The following CCHCR1 variants were observed in gnomAD, a reference collection of about 807,000 sequenced individuals.
CCHCR1 encodes coiled-coil alpha-helical rod protein 1.
In CCHCR1, 91 loss-of-function variants were observed where a neutral mutation model predicts 114.6. The ratio of observed to expected loss-of-function variants is 0.79; its 90% CI spans 0.67 to 0.94. CCHCR1 has a LOEUF of 0.94. Ranked by LOEUF, CCHCR1 falls within the 40% of genes least tolerant of loss-of-function variation. CCHCR1 has a pLI of 0.00. For synonymous variants in CCHCR1, 379 were observed against 428.5 expected (o/e 0.88, Z 1.43); for missense variants, 899 against 1,079.9 (o/e 0.83, Z 2.35).
At chr6:31,145,611 G>T in intron 11 of CCHCR1, 85 bp downstream of exon 11, 1 of 1,420,764 alleles carries the variant, frequency 7.0e-7, no homozygotes, top group Non-Finnish European at 1.0e-6. Flanking sequence ...GAATGGATGT[G>T]GGATCAGAGA....
At position 31,151,127 on chromosome 6, in the gene CCHCR1, G is replaced by C. The variant is rs781150976; in HGVS notation, c.802-5C>G. 1 of 1,610,524 alleles carries C rather than the reference G, an allele frequency of 6.2e-7. No individual in the cohort carries two copies. Among genetic ancestry groups the C allele is most frequent in the South Asian group, 1.1e-5 (1 of 90,784 alleles). ...AGCCTGTGTCAAAGAGGACAGCTGC[G>C]GAAAGAAGAGGGGGCTCAGCAGAGG... On this transcript the variant is annotated splice_polypyrimidine_tract_variant and splice_region_variant and intron_variant, in intron 4 of 17. Transcript: ENST00000396268. This position sits in a 1 kb window ranked among gnomAD's most constrained non-coding sequence, Gnocchi z 4.1.
In CCHCR1 at chr6:31,154,040, A is replaced by C. The variant is rs937381059; in HGVS notation, c.801+456T>G. Among the ~76,000 whole-genome samples, 2 of 152,224 alleles carry C rather than the reference A, an allele frequency of 1.3e-5. No individual in the cohort carries two copies. Among genetic ancestry groups the C allele is most frequent in the Non-Finnish European group, 2.9e-5 (2 of 68,044 alleles). ...TGTGTATATCCCCCACGAGGCTGTC[A>C]GTTCCATCCACGAAGGCAGGACTCA... On this transcript the variant is annotated intron_variant, in intron 4 of 17. Transcript: ENST00000396268. This position sits in a 1 kb window ranked among gnomAD's most constrained non-coding sequence, Gnocchi z 4.1.
In CCHCR1 at chr6:31,144,809, G is replaced by A. The variant is rs772821439; in HGVS notation, c.2066-21C>T. The A allele has an allele frequency of 6.2e-7, 1 of 1,611,318 alleles. No individual in the cohort carries two copies. Among genetic ancestry groups the A allele is most frequent in the South Asian group, 1.1e-5 (1 of 91,006 alleles). The stretch of plus-strand genomic sequence containing the variant: ...CAGGGCTGGGGTGAAAGTGCAGACG[G>A]GGCATATCAGCAGGAGCTTTGATTC... On this transcript the variant is annotated intron_variant, in intron 14 of 17. Transcript: ENST00000396268. The surrounding 1 kb of genome is among the most constrained non-coding windows in gnomAD (Gnocchi z 4.6).
At chr6:31,146,882 T>C (rs1032503980) in intron 10 of CCHCR1, among the ~76,000 whole-genome samples, 1 of 152,066 alleles carries the variant, frequency 6.6e-6, no homozygotes, top group African/African-American at 2.4e-5. Context: ...TGAACCTGGG[T>C]GGTAGGTCAT....
Position 31,156,740 on chromosome 6 carries a change from C to G in CCHCR1, c.488G>C (p.Arg163Pro), listed in dbSNP as rs780394259. The G allele has an allele frequency of 6.2e-7, 1 of 1,611,910 alleles. No homozygotes were observed. Among genetic ancestry groups the G allele is most frequent in the East Asian group, 2.2e-5 (1 of 44,886 alleles). Residue 163 changes from arginine to proline, a missense_variant, in exon 3 of 18, where the codon CGG becomes CCG. By Grantham distance (103) the Arg-to-Pro change is moderately radical. Coordinates refer to ENST00000396268, the MANE Select transcript of CCHCR1 (RefSeq NM_001105564.2). ...DVSSDRQEPG[R>P]RGRSWGLEGS... is the part of the protein sequence containing the mutation. ...GTGGATGGATCCCTACCTGCCTCTC[C>G]GCCCTGGCTCCTGCCTGTCACTGGA...
Position 31,154,487 on chromosome 6 carries a change from T to G in CCHCR1, c.801+9A>C, listed in dbSNP as rs1775701527. The G allele has an allele frequency of 6.2e-7, 1 of 1,600,388 alleles. No homozygotes were observed. The highest frequency in any genetic ancestry group is 1.3e-5 in the African/African-American group (1 of 74,678). ...TATGAATTTGAATCCTTTCTACCCCTGCATTCACCTGCTCTTGGTGCAGCC... is the reference window on the plus strand; with the variant it reads ...TATGAATTTGAATCCTTTCTACCCCGGCATTCACCTGCTCTTGGTGCAGCC... On this transcript the variant is annotated intron_variant, in intron 4 of 17. Transcript: ENST00000396268. This position sits in a 1 kb window ranked among gnomAD's most constrained non-coding sequence, Gnocchi z 4.1.
intron 12 of CCHCR1, 63 bp from the exon 13 acceptor site, chr6:31,145,365 T>C: frequency 1.2e-6 from 2 of 1,611,676 alleles, no homozygotes; most frequent in Non-Finnish European, 8.5e-7. Flanking sequence ...AAAGCCCCCA[T>C]CCCACCTCAG....
chr6:31,153,351 A>G (rs1775523639), intron 4 of CCHCR1, among the ~76,000 whole-genome samples: 1 of 151,920 alleles, frequency 6.6e-6, no homozygotes, highest in East Asian at 1.9e-4. Context: ...TTCCCTTACC[A>G]ATTTCTAGGC....
At chr6:31,152,113 G>A (rs1400645338) in intron 4 of CCHCR1, among the ~76,000 whole-genome samples, 2 of 151,876 alleles carry the variant, frequency 1.3e-5, no homozygotes, top group African/African-American at 2.4e-5. Context: ...TGGCTAACAT[G>A]GTGAAACCCC....
chr6:31,153,736 C>T (rs3130450), intron 4 of CCHCR1, among the ~76,000 whole-genome samples: 113,628 of 152,102 alleles, frequency 0.75, 42,478 homozygotes, highest in Middle Eastern at 0.85. Flanking sequence ...CGCACCACCA[C>T]GCCTGGTGAA....
chr6:31,145,662 G>T, intron 11 of CCHCR1, 34 bp downstream of exon 11: 1 of 1,529,580 alleles, frequency 6.5e-7, no homozygotes, highest in Non-Finnish European at 9.1e-7. Context: ...TGGTGGGGTG[G>T]GGGCAGGACG....
At position 31,145,476 on chromosome 6, in the gene CCHCR1, G is replaced by C; in HGVS notation, c.1711C>G (p.Leu571Val). The change falls in exon 12 of 18, where the codon CTT becomes GTT. Residue 571 changes from leucine (L) to valine (V), a missense_variant. Coordinates refer to ENST00000396268, the MANE Select transcript of CCHCR1 (RefSeq NM_001105564.2). The part of the protein sequence containing the change: ...HTIRGLIARK[L>V]ALAQLRQESC... ...TCCTGGCGCAGCTGAGCAAGGGCAA[G>C]CTTTCGAGCAATCAGGCCTGGAGGG... 1 of 1,614,198 alleles carries C rather than the reference G, an allele frequency of 6.2e-7. No homozygotes were observed. Among genetic ancestry groups the C allele is most frequent in the Non-Finnish European group, 8.5e-7 (1 of 1,180,038 alleles).
chr6:31,150,525 T>A lies in CCHCR1; in HGVS notation c.1142A>T (p.Glu381Val). 6.2e-7 allele frequency: 1 copy of A among 1,612,590 alleles called. No individual in the cohort carries two copies. Among genetic ancestry groups the A allele is most frequent in the Non-Finnish European group, 8.5e-7 (1 of 1,179,930 alleles). ...EDRDSLHATA[E>V]LLQVRVQSLT... ...GCTCTGCACCCGCACCTGCAGCAGC[T>A]CCGCGGTGGCATGCAGGCTGTCCCG... The change falls in exon 7 of 18, where the codon GAG becomes GTG. Residue 381 changes from glutamate (E) to valine (V), a missense_variant. Glu to Val is a moderately radical substitution (Grantham distance 121). Coordinates refer to ENST00000396268, the MANE Select transcript of CCHCR1 (RefSeq NM_001105564.2). This position sits in a 1 kb window ranked among gnomAD's most constrained non-coding sequence, Gnocchi z 5.3.
rs1196349575 is a variant in CCHCR1, at chr6:31,143,099, G to T, written c.2355C>A (p.Tyr785Ter). Residue 785 changes from tyrosine to a stop codon, truncating the protein, a stop_gained, in exon 17 of 18, where the codon TAC becomes TAA. Coordinates refer to ENST00000396268, the MANE Select transcript of CCHCR1 (RefSeq NM_001105564.2). LOFTEE classifies it high-confidence loss of function. This position sits in a 1 kb window ranked among gnomAD's most constrained non-coding sequence, Gnocchi z 5.3. Reference sequence around the variant, plus strand: ...GAACTGTCAACAGTCGCTGCTGCTTGTAACGGGAGAGGAGACCTTCCTGCT... The same window carrying T: ...GAACTGTCAACAGTCGCTGCTGCTTTTAACGGGAGAGGAGACCTTCCTGCT... Reference protein sequence around the residue: ...TLQQEGLLSRYKQQRLLTVLP... With the variant: ...TLQQEGLLSR 5.6e-6 allele frequency: 9 copies of T among 1,612,882 alleles called. No homozygotes were observed. Among genetic ancestry groups the T allele is most frequent in the Non-Finnish European group, 7.6e-6 (9 of 1,180,020 alleles).
chr6:31,150,860 G>A lies in CCHCR1; in HGVS notation c.966C>T (p.Ser322=), dbSNP rs1775117201. Residue 322 remains serine, a splice_region_variant and synonymous_variant, in exon 6 of 18, where the codon AGC becomes AGT. Transcript: ENST00000396268. This position sits in a 1 kb window ranked among gnomAD's most constrained non-coding sequence, Gnocchi z 5.3. ...GAGCCTCCAAGTCTTCCTGGGTCTT[G>A]CTAGGGTTGGGGTGGGAATGGGACA... ...REAELLRKQL[S]KTQEDLEAQV... is the part of the protein sequence containing the mutation. 2 of 1,612,466 alleles carry A rather than the reference G, an allele frequency of 1.2e-6. No homozygotes were observed. The highest frequency in any genetic ancestry group is 1.7e-6 in the Non-Finnish European group (2 of 1,179,712).
upstream of CCHCR1, chr6:31,157,878 A>G: frequency 2.0e-6 from 1 of 512,772 alleles, no homozygotes; most frequent in East Asian, 3.2e-5. Flanking sequence ...TTTACAACCT[A>G]ATCTACCTTT....
In CCHCR1 at chr6:31,145,734, C is replaced by T. The variant is rs767899213; in HGVS notation, c.1655G>A (p.Arg552Gln). ...AAAQLPSLNNRLSYAVRKVHT... is the reference protein window; with the variant it reads ...AAAQLPSLNNQLSYAVRKVHT... Reference sequence around the variant, plus strand: ...GACCTTGCGGACAGCATAGCTGAGTCGGTTGTTGAGGCTGGGAAGCTGGGC... The same window carrying T: ...GACCTTGCGGACAGCATAGCTGAGTTGGTTGTTGAGGCTGGGAAGCTGGGC... The change falls in exon 11 of 18, where the codon CGA becomes CAA. Residue 552 changes from arginine to glutamine, a missense_variant. Transcript: ENST00000396268. 85 of 1,613,528 alleles carry T rather than the reference C, an allele frequency of 5.3e-5. 1 individual carries two copies. The highest frequency in any genetic ancestry group is 3.3e-5 in the Admixed American group (2 of 59,988).
intron 3 of CCHCR1, among the ~76,000 whole-genome samples, chr6:31,155,372 A>G (rs1010855952): frequency 2.6e-5 from 4 of 152,116 alleles, no homozygotes; most frequent in African/African-American, 7.2e-5. Flanking sequence ...TGGGAGGCCG[A>G]GGCGGGCGGA....
chr6:31,148,859 G>GGGGGGGCAA, intron 8 of CCHCR1, 131 bp from the exon 9 acceptor site: 1 of 134,800 alleles, frequency 7.4e-6, no homozygotes, highest in Non-Finnish European at 1.5e-5. Context: ...GGGGGCGGGC[G>GGGGGGGCAA]ACGGGGGTGG....
Sources: gnomAD v4.1 joint callset for allele counts (sites outside exome capture counted in the v4.1 genomes callset) on GRCh38, gnomAD v4.1.1 for gene constraint, Gnocchi (gnomAD v3.1) non-coding constraint, MANE v1.5 for transcripts, NCBI Gene and HGNC (gene_info 2026-07-23, HGNC 2026-07-21) for gene names.